Variants in SLC8A1 observed in about 807,000 individuals in gnomAD.
SLC8A1 encodes sodium/calcium exchanger 1.
SLC8A1 carries 18 observed loss-of-function variants against 68.3 expected under a neutral mutation model. The observed-to-expected ratio is 0.26, with a 90% CI of 0.18 to 0.39. The LOEUF (loss-of-function observed/expected upper bound fraction) is 0.39, where lower values mean the gene tolerates loss of function less well. SLC8A1 is among the 10% of genes least tolerant of loss of function. SLC8A1 has a pLI of 1.00. For missense variants in SLC8A1, 985 were observed against 1,156.7 expected (o/e 0.85, Z 2.15); for synonymous variants, 475 against 415.5 (o/e 1.14, Z -1.74).
At chr2:40,290,202 A>G (rs1320210196) in intron 2 of SLC8A1, among the ~76,000 whole-genome samples, 2 of 151,970 alleles carry the variant, frequency 1.3e-5, no homozygotes, top group East Asian at 3.9e-4. Context: ...AGGTGCCTGG[A>G]TGAAATGAAA....
chr2:40,511,285 AT>A (rs994481139), intron 1 of SLC8A1, among the ~76,000 whole-genome samples: 2 of 152,122 alleles, frequency 1.3e-5, no homozygotes, highest in African/African-American at 2.4e-5. Flanking sequence ...TCTTGTGTAA[AT>A]TTTTTTAATT....
At chr2:40,378,458 G>C (rs147714592) in intron 2 of SLC8A1, among the ~76,000 whole-genome samples, 5 of 152,238 alleles carry the variant, frequency 3.3e-5, no homozygotes, top group African/African-American at 1.2e-4. Flanking sequence ...GTATGTGATG[G>C]GGAGAATGGG....
At chr2:40,496,075 T>C (rs1559771315) in intron 1 of SLC8A1, among the ~76,000 whole-genome samples, 1 of 152,120 alleles carries the variant, frequency 6.6e-6, no homozygotes, top group Non-Finnish European at 1.5e-5. Context: ...AGGTGCCCAC[T>C]CATTATCATT....
intron 2 of SLC8A1, among the ~76,000 whole-genome samples, chr2:40,422,251 A>C (rs1258799993): frequency 6.7e-6 from 1 of 149,484 alleles, no homozygotes; most frequent in East Asian, 1.9e-4. Context: ...TAAGGGACTA[A>C]TCGATGTTCT....
chr2:40,401,310 GTATTTGTTCATAC>G (rs1688654388), intron 2 of SLC8A1, among the ~76,000 whole-genome samples: 1 of 152,064 alleles, frequency 6.6e-6, no homozygotes. Flanking sequence ...CTGCCTCTAT[GTATTTGTTCATAC>G]TATTTCTTCC....
chr2:40,258,338 G>A (rs779667424), intron 2 of SLC8A1, among the ~76,000 whole-genome samples: 4 of 152,152 alleles, frequency 2.6e-5, no homozygotes, highest in Non-Finnish European at 4.4e-5. Flanking sequence ...ACTTCCCAAC[G>A]TGTGGGAAGC....
At chr2:40,479,572 G>A (rs1325861899) in intron 1 of SLC8A1, among the ~76,000 whole-genome samples, 1 of 152,044 alleles carries the variant, frequency 6.6e-6, no homozygotes, top group Non-Finnish European at 1.5e-5. Flanking sequence ...TATAGATGAG[G>A]AAACACAGAA....
intron 2 of SLC8A1, among the ~76,000 whole-genome samples, chr2:40,332,026 T>G (rs1350916508): frequency 2.6e-5 from 4 of 152,082 alleles, no homozygotes; most frequent in Non-Finnish European, 5.9e-5. Context: ...CACAGTTCAC[T>G]GTAACCTCAA....
chr2:40,444,880 G>A (rs1459842432), intron 1 of SLC8A1, among the ~76,000 whole-genome samples: 1 of 151,964 alleles, frequency 6.6e-6, no homozygotes, highest in Admixed American at 6.6e-5. Flanking sequence ...CTGACTATCT[G>A]GGCATTTAAA....
rs1675827102 is a variant in SLC8A1, at chr2:40,365,368, CTAAA to C, written c.1808+63101_1808+63104del. On this transcript the variant is annotated intron_variant, in intron 2 of 7. Transcript: ENST00000406785. ...GCTATATCTTTACACATCCAAACATCTAAATAACCTGTAGAAAATAAAATCAGTG... is the reference window on the plus strand; with the variant it reads ...GCTATATCTTTACACATCCAAACATCTAACCTGTAGAAAATAAAATCAGTG... 2.0e-5 allele frequency among the ~76,000 whole-genome samples: 3 copies of C among 152,058 alleles called. No homozygotes were observed. In the South Asian group the frequency reaches 6.2e-4, roughly 31 times the overall value.
chr2:40,492,745 T>A (rs1705406124), intron 1 of SLC8A1, among the ~76,000 whole-genome samples: 1 of 148,084 alleles, frequency 6.8e-6, no homozygotes, highest in Admixed American at 6.8e-5. Context: ...CATGAAAAAA[T>A]GCTCACCATC....
At chr2:40,361,465 T>C (rs1441335436) in intron 2 of SLC8A1, among the ~76,000 whole-genome samples, 1 of 29,046 alleles carries the variant, frequency 3.4e-5, no homozygotes, top group East Asian at 4.2e-4. Context: ...TGAAGGAGCC[T>C]TTTTTTTTTT....
At chr2:40,302,367 G>C (rs2071657618) in intron 2 of SLC8A1, among the ~76,000 whole-genome samples, 1 of 150,490 alleles carries the variant, frequency 6.6e-6, no homozygotes, top group Non-Finnish European at 1.5e-5. Flanking sequence ...TAGAATAATA[G>C]TCTCCAGTTC....
chr2:40,404,715 G>A (rs1282968503), intron 2 of SLC8A1, among the ~76,000 whole-genome samples: 3 of 152,122 alleles, frequency 2.0e-5, no homozygotes, highest in African/African-American at 7.2e-5. Context: ...GCAGTTTCAA[G>A]TTGGCACGAG....
chr2:40,502,229 C>A (rs1706099453), intron 1 of SLC8A1, among the ~76,000 whole-genome samples: 1 of 151,996 alleles, frequency 6.6e-6, no homozygotes, highest in African/African-American at 2.4e-5. Flanking sequence ...GGTTTATTTT[C>A]CCAATTTAGC....
chr2:40,455,217 A>C (rs1576603432), upstream of SLC8A1, among the ~76,000 whole-genome samples: 1 of 152,332 alleles, frequency 6.6e-6, no homozygotes, highest in East Asian at 1.9e-4. Context: ...ATTGTGAATT[A>C]GGCCCTACTT....
intron 2 of SLC8A1, among the ~76,000 whole-genome samples, chr2:40,419,630 T>G (rs79827485): frequency 2.6e-5 from 4 of 152,104 alleles, no homozygotes; most frequent in Non-Finnish European, 4.4e-5. Flanking sequence ...CTGAACTGAA[T>G]AGCTCATTTT....
chr2:40,317,993 G>A (rs1351745313), intron 2 of SLC8A1, among the ~76,000 whole-genome samples: 1 of 152,036 alleles, frequency 6.6e-6, no homozygotes, highest in African/African-American at 2.4e-5. Flanking sequence ...GGATTGGAGA[G>A]CAACACTGAA....
At chr2:40,259,661 G>C (rs1047484970) in intron 2 of SLC8A1, among the ~76,000 whole-genome samples, 5 of 150,340 alleles carry the variant, frequency 3.3e-5, no homozygotes, top group African/African-American at 1.3e-4. Context: ...ATACCCATAA[G>C]AGAACCTTTT....
Sources: allele counts gnomAD v4.1 joint callset (sites outside exome capture counted in the v4.1 genomes callset), GRCh38; gene constraint gnomAD v4.1.1; transcripts MANE v1.5; gene names NCBI Gene and HGNC (gene_info 2026-07-23, HGNC 2026-07-21).